PIWIL4: variants seen among roughly 807,000 people sequenced by gnomAD.
PIWIL4 encodes piwi-like protein 4.
A neutral mutation model predicts 100.9 loss-of-function variants in PIWIL4; 50 were observed. The ratio of observed to expected loss-of-function variants is 0.50; its 90% CI spans 0.39 to 0.63. The LOEUF is 0.63. Ranked by LOEUF, PIWIL4 falls within the 20% of genes least tolerant of loss-of-function variation. The pLI, the probability that PIWIL4 is intolerant of heterozygous loss-of-function variation, is 0.00. For synonymous variants in PIWIL4, 342 were observed against 367.5 expected (o/e 0.93, Z 0.79); for missense variants, 887 against 1,043.3 (o/e 0.85, Z 2.06).
chr11:94,588,891 C>A (rs1948441560), intron 7 of PIWIL4, among the ~76,000 whole-genome samples: 1 of 152,214 alleles, frequency 6.6e-6, no homozygotes, highest in African/African-American at 2.4e-5. Flanking sequence ...GACTTTCCCA[C>A]AGGTTTTGTT....
intron 8 of PIWIL4, among the ~76,000 whole-genome samples, chr11:94,589,824 ACGAAT>A (rs1948458905): frequency 6.6e-6 from 1 of 152,050 alleles, no homozygotes; most frequent in Non-Finnish European, 1.5e-5. Flanking sequence ...CAGGCACCAC[ACGAAT>A]GGTCTGAGCC....
At chr11:94,610,525 G>A (rs975275651) in intron 15 of PIWIL4, among the ~76,000 whole-genome samples, 3 of 151,852 alleles carry the variant, frequency 2.0e-5, no homozygotes, top group African/African-American at 7.3e-5. Flanking sequence ...TGACTTTTTG[G>A]TCATAGCCAT....
intron 2 of PIWIL4, among the ~76,000 whole-genome samples, chr11:94,570,653 G>A (rs140196680): frequency 0.027 from 4,128 of 152,206 alleles, 69 homozygotes; most frequent in Middle Eastern, 0.048. Flanking sequence ...CACTTTGAGA[G>A]GCCAAGGTGG....
intron 15 of PIWIL4, among the ~76,000 whole-genome samples, chr11:94,611,805 G>A (rs1948790035): frequency 6.6e-6 from 1 of 152,142 alleles, no homozygotes. Flanking sequence ...GCTTCCTGAG[G>A]CCCTCGCCAG....
intron 1 of PIWIL4, chr11:94,567,885 G>A (rs1165633362): frequency 3.1e-6 from 3 of 958,040 alleles, no homozygotes; most frequent in Non-Finnish European, 3.8e-6. Context: ...TTAATTTCAT[G>A]ATTTCGTTTT....
intron 15 of PIWIL4, among the ~76,000 whole-genome samples, chr11:94,615,877 A>G (rs1422294299): frequency 6.6e-6 from 1 of 152,184 alleles, no homozygotes; most frequent in African/African-American, 2.4e-5. Context: ...CATGATCTTC[A>G]TTTCCAAGTG....
chr11:94,598,102 C>T (rs1009651873), intron 11 of PIWIL4, among the ~76,000 whole-genome samples, 187 bp downstream of exon 11: 3 of 152,122 alleles, frequency 2.0e-5, no homozygotes, highest in South Asian at 2.1e-4. Flanking sequence ...ACGGACTTAG[C>T]GGCACCCAGT....
rs184897081 is a variant in PIWIL4, at chr11:94,594,003, C to G, written c.1150+362C>G. Among the ~76,000 whole-genome samples the G allele has an allele frequency of 1.7e-3, 258 of 152,226 alleles. 1 individual carries two copies. The highest frequency in any genetic ancestry group is 5.0e-3 in the African/African-American group (209 of 41,536). On this transcript the variant is annotated intron_variant, in intron 9 of 19. Transcript: ENST00000299001. Reference sequence around the variant, plus strand: ...CATACTTTCTTTTTGCGTGAATTTTCAGAATATAATCCTCATTATACAGTA... The same window carrying G: ...CATACTTTCTTTTTGCGTGAATTTTGAGAATATAATCCTCATTATACAGTA...
intron 7 of PIWIL4, among the ~76,000 whole-genome samples, chr11:94,588,462 A>G (rs1381910929): frequency 1.3e-5 from 2 of 152,220 alleles, no homozygotes; most frequent in Non-Finnish European, 1.5e-5. Flanking sequence ...TCCTCCTGTC[A>G]TGATCTTGAT....
At chr11:94,569,870 AGAT>A (rs1948125465) in intron 2 of PIWIL4, among the ~76,000 whole-genome samples, 2 of 152,202 alleles carry the variant, frequency 1.3e-5, no homozygotes, top group South Asian at 4.1e-4. Context: ...TACATTATTC[AGAT>A]GATGGTTACA....
intron 8 of PIWIL4, among the ~76,000 whole-genome samples, chr11:94,590,692 TC>T (rs370958440): frequency 8.3e-4 from 126 of 152,326 alleles, no homozygotes; most frequent in African/African-American, 2.9e-3. Context: ...TTCCTCTTCT[TC>T]ACCTTAACCT....
rs981344349 is a variant in PIWIL4, at chr11:94,570,902, A to C, written c.166+2094A>C. On this transcript the variant is annotated intron_variant, in intron 2 of 19. Transcript: ENST00000299001. ...AGGGAAATTTCATCTCAAAAACAAA[A>C]ACAAAAACAAACAAACAAAAAAAAC... is the stretch of plus-strand genomic sequence containing the variant. Among the ~76,000 whole-genome samples the C allele has an allele frequency of 4.6e-5, 7 of 152,184 alleles. 1 individual carries two copies. Among genetic ancestry groups the C allele is most frequent in the Admixed American group, 4.6e-4 (7 of 15,304 alleles).
chr11:94,567,594 G>A lies in PIWIL4; in HGVS notation c.76G>A (p.Ala26Thr), dbSNP rs1019462896. The change falls in exon 1 of 20, where the codon GCC (alanine) becomes ACC (threonine). Residue 26 changes from alanine (A) to threonine (T), a missense_variant. Ala to Thr is a moderately conservative substitution (Grantham distance 58). Transcript: ENST00000299001. ...TGCCACAGAAGTGGGGCGCATCCAAGCCTCGCCATTGGTGTGTAGAATGCT... is the reference window on the plus strand; with the variant it reads ...TGCCACAGAAGTGGGGCGCATCCAAACCTCGCCATTGGTGTGTAGAATGCT... ...PSATEVGRIQ[A>T]SPLPRSVDLS... is the part of the protein sequence containing the mutation. 5.6e-6 allele frequency: 9 copies of A among 1,604,670 alleles called. No individual in the cohort carries two copies. The highest frequency in any genetic ancestry group is 6.8e-6 in the Non-Finnish European group (8 of 1,175,692).
At chr11:94,609,054 T>G (rs1948759309) in intron 15 of PIWIL4, among the ~76,000 whole-genome samples, 1 of 152,208 alleles carries the variant, frequency 6.6e-6, no homozygotes, top group Non-Finnish European at 1.5e-5. Context: ...ATTGCCTGGA[T>G]TTATACCCTG....
chr11:94,589,242 T>C lies in PIWIL4; in HGVS notation c.1026+10T>C. The C allele has an allele frequency of 6.4e-7, 1 of 1,554,956 alleles. No homozygotes were observed. Among genetic ancestry groups the C allele is most frequent in the South Asian group, 1.1e-5 (1 of 89,652 alleles). On this transcript the variant is annotated intron_variant, in intron 8 of 19. Coordinates refer to ENST00000299001, the MANE Select transcript of PIWIL4 (RefSeq NM_152431.3). ...GGATTACTACAAGCAGGTAGGACTT[T>C]TCTTCATGCATCTCTATCTCCTTTT...
intron 5 of PIWIL4, among the ~76,000 whole-genome samples, chr11:94,584,237 T>C (rs1948366465): frequency 6.6e-6 from 1 of 152,230 alleles, no homozygotes; most frequent in African/African-American, 2.4e-5. Context: ...CTGTTTTACA[T>C]GCTGCTAGTG....
chr11:94,568,870 T>TG, intron 2 of PIWIL4, 62 bp downstream of exon 2: 1 of 1,454,380 alleles, frequency 6.9e-7, no homozygotes, highest in Non-Finnish European at 9.6e-7. Context: ...AGAGGAGCCC[T>TG]GCCAGGCCTT....
chr11:94,590,965 TG>T (rs1198181082), intron 8 of PIWIL4, among the ~76,000 whole-genome samples: 1 of 152,188 alleles, frequency 6.6e-6, no homozygotes, highest in Non-Finnish European at 1.5e-5. Context: ...TGTGTAACCC[TG>T]GGTAAATCAC....
In PIWIL4 at chr11:94,583,535, G is replaced by A. The variant is rs554791169; in HGVS notation, c.601G>A (p.Val201Met). The A allele has an allele frequency of 2.2e-5, 36 of 1,613,926 alleles. No individual in the cohort carries two copies. Among genetic ancestry groups the A allele is most frequent in the Middle Eastern group, 1.6e-4 (1 of 6,082 alleles). Residue 201 changes from valine to methionine, a missense_variant, in exon 5 of 20, where the codon GTG becomes ATG. Physicochemically the swap from Val to Met is conservative, Grantham distance 21 (BLOSUM62 1). This residue lies in a region of PIWIL4 where 741 missense variants were observed against 930.0 expected (regional missense o/e 0.80). Transcript: ENST00000299001. ...GAGGGAGCTGCCATCAAGTTCTCCC[G>A]TGTGCATCCAGGTCTTCAATATCAT... Reference protein sequence around the residue: ...LKRELPSSSPVCIQVFNIIFR... With the variant: ...LKRELPSSSPMCIQVFNIIFR...
Sources: allele counts gnomAD v4.1 joint callset (sites outside exome capture counted in the v4.1 genomes callset), GRCh38; gene constraint gnomAD v4.1.1; regional missense constraint gnomAD v4.1.1; transcripts MANE v1.5; gene names NCBI Gene and HGNC (gene_info 2026-07-23, HGNC 2026-07-21).